RANBP1: variants seen among roughly 807,000 people sequenced by gnomAD.
The protein encoded by RANBP1 is ran-specific GTPase-activating protein.
A neutral mutation model predicts 31.4 loss-of-function variants in RANBP1; 16 were observed. The observed-to-expected ratio is 0.51, with a 90% CI of 0.34 to 0.77. The LOEUF is 0.77. RANBP1 is among the 30% of genes least tolerant of loss of function. RANBP1 has a pLI of 0.01. For synonymous variants in RANBP1, 129 were observed against 140.5 expected, an observed-to-expected ratio of 0.92 and a Z score of 0.58; for missense variants, 265 against 362.0, an observed-to-expected ratio of 0.73 and a Z score of 2.17.
intron 2 of RANBP1, among the ~76,000 whole-genome samples, chr22:20,119,802 A>G (rs1353340508): frequency 6.6e-6 from 1 of 152,218 alleles, no homozygotes; most frequent in Non-Finnish European, 1.5e-5. Flanking sequence ...GGCGTCAGCT[A>G]CCGCGCCCGG....
chr22:20,127,328 T>G lies in RANBP1; in HGVS notation c.*276T>G. 1 of 291,510 alleles carries G rather than the reference T, an allele frequency of 3.4e-6. No homozygotes were observed. Among genetic ancestry groups the G allele is most frequent in the South Asian group, 3.6e-5 (1 of 27,978 alleles). The allele number at this position is 291,510 out of a possible 1,614,324, so 18.1% of individuals were successfully genotyped here. On this transcript the variant is annotated 3_prime_UTR_variant, in exon 6 of 6. Transcript: ENST00000430524. ...ACTTATTTATAGTCATCAAAAATAG[T>G]GAATAAAAAACACATTTGGAACCTG...
At chr22:20,125,474 C>A (rs1017859080) in intron 4 of RANBP1, 38 bp downstream of exon 4, 1 of 1,576,348 alleles carries the variant, frequency 6.3e-7, no homozygotes, top group African/African-American at 1.4e-5. Flanking sequence ...TGACTTGGGG[C>A]TCACCTGCGT....
At chr22:20,117,626 A>AGCCGCCGCC in intron 1 of RANBP1, 1 of 1,117,766 alleles carries the variant, frequency 8.9e-7, no homozygotes, top group Non-Finnish European at 1.1e-6. Flanking sequence ...GACCCAGCCG[A>AGCCGCCGCC]GCCGCCGCCG....
chr22:20,117,007 T>A, intron 1 of RANBP1: 1 of 1,455,412 alleles, frequency 6.9e-7, no homozygotes, highest in South Asian at 1.2e-5. Context: ...ACAAGGGAAG[T>A]GCTCAGAGGG....
intron 5 of RANBP1, 185 bp from the exon 6 acceptor site, chr22:20,126,767 G>A: frequency 7.5e-7 from 1 of 1,339,780 alleles, no homozygotes; most frequent in Non-Finnish European, 1.0e-6. Flanking sequence ...CATCCACCTG[G>A]CTTCCTTTCG....
chr22:20,122,433 G>A lies in RANBP1; in HGVS notation c.541+12G>A, dbSNP rs767201305. On this transcript the variant is annotated intron_variant, in intron 3 of 5. Transcript: ENST00000430524. ...TGCCAACCACTACAGTAGGTGGCAT[G>A]AACGACCACCTCGACAGTCCCCAGC... 9.3e-6 allele frequency: 15 copies of A among 1,611,272 alleles called. No homozygotes were observed. The South Asian group carries it at 1.6e-4, about 18-fold the overall frequency.
In RANBP1 at chr22:20,119,239, A is replaced by C. The variant is rs1037905375; in HGVS notation, c.383+90A>C. ...CCAGGTTTTGGCCTGACTTTTAATC[A>C]GACTGAGGCTGCTTAAAGAAAGGGC... On this transcript the variant is annotated intron_variant, in intron 2 of 5. Coordinates refer to ENST00000430524, the MANE Select transcript of RANBP1 (RefSeq NM_001278639.2). The C allele has an allele frequency of 3.1e-6, 4 of 1,272,692 alleles. No individual in the cohort carries two copies. In the African/African-American group the frequency reaches 6.0e-5, roughly 19 times the overall value. The allele number at this position is 1,272,692 out of a possible 1,614,324, so 78.8% of individuals were successfully genotyped here.
chr22:20,116,769 T>C, intron 1 of RANBP1: 1 of 1,447,146 alleles, frequency 6.9e-7, no homozygotes, highest in East Asian at 2.5e-5. Flanking sequence ...CCCGTCTCCT[T>C]TCCTCCCCTA....
Position 20,119,155 on chromosome 22 carries a change from T to C in RANBP1, c.383+6T>C, listed in dbSNP as rs1313269528. 3 of 1,610,880 alleles carry C rather than the reference T, an allele frequency of 1.9e-6. No homozygotes were observed. The highest frequency in any genetic ancestry group is 2.2e-5 in the East Asian group (1 of 44,888). ...GAAGAGGAACTTTTTAAAATGTAAGTAGGCTGATGTCCCAGAAATAGGACT... is the reference window on the plus strand; with the variant it reads ...GAAGAGGAACTTTTTAAAATGTAAGCAGGCTGATGTCCCAGAAATAGGACT... On this transcript the variant is annotated splice_donor_region_variant and intron_variant, in intron 2 of 5. Coordinates refer to ENST00000430524, the MANE Select transcript of RANBP1 (RefSeq NM_001278639.2).
At chr22:20,119,885 C>T (rs1267010596) in intron 2 of RANBP1, among the ~76,000 whole-genome samples, 1 of 152,168 alleles carries the variant, frequency 6.6e-6, no homozygotes, top group Non-Finnish European at 1.5e-5. Flanking sequence ...ATTAAAACCA[C>T]TTAAAAAAAT....
chr22:20,117,349 TC>T, intron 1 of RANBP1: 1 of 1,199,176 alleles, frequency 8.3e-7, no homozygotes, highest in Non-Finnish European at 1.0e-6. Flanking sequence ...GAGTGCGCGC[TC>T]CTCTGGCTGA....
At chr22:20,126,768 C>T in intron 5 of RANBP1, 184 bp from the exon 6 acceptor site, 1 of 1,341,448 alleles carries the variant, frequency 7.5e-7, no homozygotes, top group Non-Finnish European at 1.0e-6. Context: ...ATCCACCTGG[C>T]TTCCTTTCGT....
At chr22:20,117,256 C>A in intron 1 of RANBP1, 1 of 567,866 alleles carries the variant, frequency 1.8e-6, no homozygotes. Flanking sequence ...GTCATCGTCA[C>A]GCGCCGGATC....
In RANBP1 at chr22:20,122,326, C is replaced by T; in HGVS notation, c.446C>T (p.Thr149Ile). ...CTCCCAGAATGGAAGGAGCGAGGCA[C>T]TGGTGACGTCAAGCTCCTGAAGCAC... is the stretch of plus-strand genomic sequence containing the variant. ...NDLPEWKERG[T>I]GDVKLLKHKE... Residue 149 changes from threonine to isoleucine, a missense_variant, in exon 3 of 6, where the codon ACT becomes ATT. Physicochemically the swap from Thr to Ile is moderately conservative, Grantham distance 89 (BLOSUM62 -1). This residue lies in a region of RANBP1 where 90 missense variants were observed against 190.5 expected (regional missense o/e 0.47). Coordinates refer to ENST00000430524, the MANE Select transcript of RANBP1 (RefSeq NM_001278639.2). 6.2e-7 allele frequency: 1 copy of T among 1,613,206 alleles called. No homozygotes were observed. Among genetic ancestry groups the T allele is most frequent in the Non-Finnish European group, 8.5e-7 (1 of 1,179,978 alleles).
rs2050088479 is a variant in RANBP1 at position 20,118,149 on chromosome 22, C to A, written c.247-864C>A. 4 of 1,001,222 alleles carry A rather than the reference C, an allele frequency of 4.0e-6. No homozygotes were observed. The East Asian group carries it at 4.5e-4, about 113-fold the overall frequency. The allele number at this position is 1,001,222 out of a possible 1,614,324, so 62.0% of individuals were successfully genotyped here. A position where few individuals can be genotyped will look rare whatever the true frequency, so the allele number is the denominator to read the frequency against. On this transcript the variant is annotated intron_variant, in intron 1 of 5. Coordinates refer to ENST00000430524, the MANE Select transcript of RANBP1 (RefSeq NM_001278639.2). ...GGGCACAGGTCCTAGATGCGCCGACCCAGGCGGCGGCTTTGTTGGCTGCGG... is the reference window on the plus strand; with the variant it reads ...GGGCACAGGTCCTAGATGCGCCGACACAGGCGGCGGCTTTGTTGGCTGCGG...
chr22:20,119,933 T>C (rs1269154438), intron 2 of RANBP1, among the ~76,000 whole-genome samples: 1 of 152,266 alleles, frequency 6.6e-6, no homozygotes, highest in Non-Finnish European at 1.5e-5. Context: ...AGTTAAGAGC[T>C]GGCTACAGTG....
intron 1 of RANBP1, chr22:20,116,669 C>T: frequency 1.3e-6 from 2 of 1,503,424 alleles, no homozygotes; most frequent in Non-Finnish European, 1.8e-6. Context: ...GGCCTGGCCC[C>T]CCAAGCTTCC....
chr22:20,117,197 G>C, intron 1 of RANBP1: 2 of 541,330 alleles, frequency 3.7e-6, no homozygotes, highest in Non-Finnish European at 6.1e-6. Flanking sequence ...TAGTCCGCCA[G>C]CGCGTGCGGC....
intron 1 of RANBP1, chr22:20,117,231 C>G (rs2050055529): frequency 1.9e-6 from 1 of 533,788 alleles, no homozygotes; most frequent in African/African-American, 2.0e-5. Flanking sequence ...CTCTATGATC[C>G]TGGCTTCTGG....
Sources: allele counts gnomAD v4.1 joint callset (sites outside exome capture counted in the v4.1 genomes callset), GRCh38; gene constraint gnomAD v4.1.1; regional missense constraint gnomAD v4.1.1; transcripts MANE v1.5; gene names NCBI Gene and HGNC (gene_info 2026-07-23, HGNC 2026-07-21).